VRK2: variants seen among roughly 807,000 people sequenced by gnomAD.
The protein encoded by VRK2 is VRK serine/threonine kinase 2.
A neutral mutation model predicts 57.6 loss-of-function variants in VRK2; 60 were observed. That is an observed-to-expected ratio of 1.04 (90% CI 0.85 to 1.29). The LOEUF (loss-of-function observed/expected upper bound fraction) is 1.29. VRK2 is among the 50% of genes most tolerant of loss of function. VRK2 has a pLI of 0.00. For missense variants in VRK2, 705 were observed against 588.1 expected (o/e 1.20, Z -2.06); for synonymous variants, 231 against 199.2 (o/e 1.16, Z -1.35).
At chr2:58,027,436 A>G (rs937845276) in intron 2 of VRK2, among the ~76,000 whole-genome samples, 1 of 152,146 alleles carries the variant, frequency 6.6e-6, no homozygotes, top group Admixed American at 6.5e-5. Context: ...TTGAATGAAT[A>G]TATACCTATA....
At chr2:58,083,136 A>G (rs1443718865) in intron 2 of VRK2, among the ~76,000 whole-genome samples, 1 of 151,764 alleles carries the variant, frequency 6.6e-6, no homozygotes, top group East Asian at 1.9e-4. Context: ...TGTAGTCAAT[A>G]CTAGTTCCAC....
chr2:58,043,221 G>GA (rs1197957538), upstream of VRK2, among the ~76,000 whole-genome samples: 9 of 152,160 alleles, frequency 5.9e-5, no homozygotes, highest in Non-Finnish European at 1.0e-4. Flanking sequence ...GGATGAATAT[G>GA]AAAATATGGT....
intron 11 of VRK2, among the ~76,000 whole-genome samples, chr2:58,141,104 A>C (rs539927910): frequency 6.6e-6 from 1 of 152,148 alleles, no homozygotes; most frequent in Admixed American, 6.6e-5. Flanking sequence ...TGATCTTGGT[A>C]ATTACTGAGA....
chr2:58,015,936 C>G (rs1191679022), intron 1 of VRK2, among the ~76,000 whole-genome samples: 1 of 151,702 alleles, frequency 6.6e-6, no homozygotes, highest in Admixed American at 6.6e-5. Context: ...TTGTTTTTTT[C>G]TTATAGCTAG....
At chr2:58,132,068 T>TA in intron 9 of VRK2, 140 bp downstream of exon 9, 3 of 1,067,432 alleles carry the variant, frequency 2.8e-6, no homozygotes, top group East Asian at 2.8e-5. Flanking sequence ...AAATATGTTT[T>TA]AAAAAAACCA....
chr2:58,019,100 G>T, intron 1 of VRK2, among the ~76,000 whole-genome samples: 1 of 152,150 alleles, frequency 6.6e-6, no homozygotes, highest in African/African-American at 2.4e-5. Context: ...CAAGGACTAG[G>T]TCTTCCTCAA....
At chr2:57,912,231 A>G (rs1206158782) in intron 1 of VRK2, among the ~76,000 whole-genome samples, 1 of 152,176 alleles carries the variant, frequency 6.6e-6, no homozygotes, top group Non-Finnish European at 1.5e-5. Context: ...AAATCCTGCA[A>G]TTTTGGTATA....
intron 9 of VRK2, among the ~76,000 whole-genome samples, chr2:58,134,835 T>G (rs1310852883): frequency 2.0e-5 from 3 of 152,162 alleles, no homozygotes; most frequent in Non-Finnish European, 4.4e-5. Context: ...TGTTATACTT[T>G]CTCCTGTTAA....
At chr2:57,986,596 ATTTT>A (rs11452161) in intron 1 of VRK2, among the ~76,000 whole-genome samples, 9 of 124,538 alleles carry the variant, frequency 7.2e-5, no homozygotes, top group African/African-American at 2.7e-4. Context: ...AGTTCAATCG[ATTTT>A]TTTTTTTTTT....
rs774791078 is a variant in VRK2 at position 58,159,667 on chromosome 2, G to A, written c.1501G>A (p.Val501Ile). ...CATCATACCTGTCCTTTTGATGTTA[G>A]TATTTCTTGCTTTATTTTTTCTCTG... ...RIIIPVLLML[V>I]FLALFFL Residue 501 changes from valine to isoleucine, a missense_variant, in exon 13 of 13, where the codon GTA becomes ATA. Val to Ile is a conservative substitution (Grantham distance 29). Coordinates refer to ENST00000340157, the MANE Select transcript of VRK2 (RefSeq NM_006296.7). 2 of 1,612,960 alleles carry A rather than the reference G, an allele frequency of 1.2e-6. No homozygotes were observed. Among genetic ancestry groups the A allele is most frequent in the South Asian group, 2.2e-5 (2 of 90,898 alleles).
chr2:58,159,228 A>G, intron 12 of VRK2, 121 bp from the exon 13 acceptor site: 2 of 727,444 alleles, frequency 2.7e-6, no homozygotes, highest in Non-Finnish European at 4.3e-6. Flanking sequence ...CTCAGGAAAA[A>G]TAACACGCAA....
chr2:58,112,574 A>AG (rs1405064705), intron 7 of VRK2, among the ~76,000 whole-genome samples: 1 of 113,678 alleles, frequency 8.8e-6, no homozygotes, highest in Non-Finnish European at 1.6e-5. Context: ...GTATAGTAAC[A>AG]GGAAAAAAAA....
chr2:58,052,012 G>A (rs1022869584), intron 2 of VRK2, among the ~76,000 whole-genome samples: 1 of 152,116 alleles, frequency 6.6e-6, no homozygotes, highest in Admixed American at 6.5e-5. Context: ...ATATCAGGAA[G>A]GAGAGAAAAC....
At position 58,030,029 on chromosome 2, in the gene VRK2, C is replaced by T. The variant is rs115800847; in HGVS notation, c.-332-3198C>T. On this transcript the variant is annotated intron_variant, in intron 2 of 15. Coordinates refer to the VRK2 transcript ENST00000417641. ...CTACGTTAGCAACTCAGTTTAGCCTCAGAGTCAGTTTTTTGGTAGGTGGTC... is the reference window on the plus strand; with the variant it reads ...CTACGTTAGCAACTCAGTTTAGCCTTAGAGTCAGTTTTTTGGTAGGTGGTC... Among the ~76,000 whole-genome samples, 282 of 152,204 alleles carry T rather than the reference C, an allele frequency of 1.9e-3. 2 individuals carry two copies. Among genetic ancestry groups the T allele is most frequent in the African/African-American group, 6.7e-3 (277 of 41,538 alleles).
At chr2:58,148,445 C>T (rs1006855020) in intron 12 of VRK2, among the ~76,000 whole-genome samples, 2 of 151,720 alleles carry the variant, frequency 1.3e-5, no homozygotes, top group Non-Finnish European at 3.0e-5. Flanking sequence ...TAGCATGCGG[C>T]CTGCCTAATC....
At chr2:58,120,179 C>CTTTTTTTTTTT (rs1677207512) in intron 7 of VRK2, among the ~76,000 whole-genome samples, 1 of 93,368 alleles carries the variant, frequency 1.1e-5, no homozygotes. Flanking sequence ...ATTTTTTTTT[C>CTTTTTTTTTTT]TTTTCTTTTT....
At chr2:58,099,341 C>T (rs768425386) in intron 7 of VRK2, among the ~76,000 whole-genome samples, 5 of 151,986 alleles carry the variant, frequency 3.3e-5, no homozygotes, top group Non-Finnish European at 7.4e-5. Context: ...TTCTAATTTC[C>T]TATAGCTCCT....
intron 1 of VRK2, among the ~76,000 whole-genome samples, chr2:57,964,362 ATCC>A (rs967301439): frequency 3.2e-4 from 48 of 152,294 alleles, no homozygotes; most frequent in African/African-American, 1.2e-3. Context: ...AAAGGTCTTC[ATCC>A]TCATCATCTT....
At chr2:58,080,834 A>C (rs115422801) in intron 2 of VRK2, among the ~76,000 whole-genome samples, 1,741 of 151,920 alleles carry the variant, frequency 0.011, 30 homozygotes, top group African/African-American at 0.041. Flanking sequence ...AAGTTTATTA[A>C]ATTTATTATA....
Sources: gnomAD v4.1 joint callset for allele counts (sites outside exome capture counted in the v4.1 genomes callset) on GRCh38, gnomAD v4.1.1 for gene constraint, MANE v1.5 for transcripts, NCBI Gene and HGNC (gene_info 2026-07-23, HGNC 2026-07-21) for gene names.